Variants in PIGW observed in about 807,000 individuals in gnomAD.
PIGW encodes the protein phosphatidylinositol glycan anchor biosynthesis class W.
In PIGW, 23 loss-of-function variants were observed where a neutral mutation model predicts 34.0. That is an observed-to-expected ratio of 0.68 (90% CI 0.49 to 0.96). PIGW has a LOEUF of 0.96. Ranked by LOEUF, PIGW falls within the 40% of genes least tolerant of loss-of-function variation. The pLI is 0.00. For missense variants in PIGW, 574 were observed against 586.3 expected (o/e 0.98, Z 0.22); for synonymous variants, 225 against 225.2 (o/e 1.00, Z 0.01).
In PIGW at chr17:36,537,976, G is replaced by T; in HGVS notation, c.875G>T (p.Ser292Ile). ...KRLILYGTDG[S>I]GTRVGLLNAN... is the part of the protein sequence containing the mutation. ...TTAATATTATATGGCACTGATGGTA[G>T]TGGCACACGGGTTGGTCTATTAAAT... Residue 292 changes from serine (S) to isoleucine (I), a missense_variant, in exon 2 of 2, where the codon AGT becomes ATT. By Grantham distance (142) the Ser-to-Ile change is moderately radical. Transcript: ENST00000614443. The T allele has an allele frequency of 6.2e-7, 1 of 1,614,030 alleles. No homozygotes were observed. Among genetic ancestry groups the T allele is most frequent in the South Asian group, 1.1e-5 (1 of 91,080 alleles).
chr17:36,537,893 TG>T lies in PIGW; in HGVS notation c.793del (p.Ala265ProfsTer10), dbSNP rs1294451965. 1.9e-6 allele frequency: 3 copies of T among 1,614,032 alleles called. No individual in the cohort carries two copies. The South Asian group carries it at 3.3e-5, about 18-fold the overall frequency. ...IFPLNKSWII[A>X]LGITVLYQLA... ...TTCCCCTAAATAAGTCCTGGATTAT[TG>T]CCCTCGGCATTACTGTATTATACCA... On this transcript the variant is annotated frameshift_variant, in exon 2 of 2. Transcript: ENST00000614443. LOFTEE classifies it high-confidence loss of function.
In PIGW at chr17:36,538,469, T is replaced by C; in HGVS notation, c.1368T>C (p.Asn456=). The C allele has an allele frequency of 6.2e-7, 1 of 1,614,116 alleles. No individual in the cohort carries two copies. The highest frequency in any genetic ancestry group is 8.5e-7 in the Non-Finnish European group (1 of 1,179,996). ...RKQLIFFLLS[N]ITTGLINLMV... ...AGTTAATATTTTTCTTGCTGTCAAA[T>C]ATAACAACTGGCCTGATCAACCTGA... The change falls in exon 2 of 2, where the codon AAT becomes AAC. Residue 456 remains asparagine, a synonymous_variant. Transcript: ENST00000614443.
At position 36,537,533 on chromosome 17, in the gene PIGW, T is replaced by A; in HGVS notation, c.432T>A (p.Ile144=). 1 of 1,614,184 alleles carries A rather than the reference T, an allele frequency of 6.2e-7. No homozygotes were observed. Among genetic ancestry groups the A allele is most frequent in the Admixed American group, 1.7e-5 (1 of 60,014 alleles). ...VITSAFTAIA[I]LAVDFPLFPR... ...CCAGTGCGTTTACTGCTATTGCTAT[T>A]TTGGCTGTGGACTTCCCACTTTTTC... The change falls in exon 2 of 2, where the codon ATT becomes ATA. Residue 144 remains isoleucine (I), a synonymous_variant. Transcript: ENST00000614443.
chr17:36,536,005 CA>C (rs1425739239), intron 1 of PIGW, among the ~76,000 whole-genome samples: 1 of 152,178 alleles, frequency 6.6e-6, no homozygotes, highest in Admixed American at 6.5e-5. Flanking sequence ...CGCATGCATT[CA>C]CTTACTTATT....
rs749502055 is a variant in PIGW at position 36,537,873 on chromosome 17, C to T, written c.772C>T (p.Leu258=). Residue 258 remains leucine, a synonymous_variant, in exon 2 of 2, where the codon CTA becomes TTA. Transcript: ENST00000614443. Reference sequence around the variant, plus strand: ...ACCACTGCTGTTGATTATTTTTCCCCTAAATAAGTCCTGGATTATTGCCCT... The same window carrying T: ...ACCACTGCTGTTGATTATTTTTCCCTTAAATAAGTCCTGGATTATTGCCCT... ...ITPLLLIIFP[L]NKSWIIALGI... The T allele has an allele frequency of 1.9e-6, 3 of 1,613,932 alleles. No homozygotes were observed. The highest frequency in any genetic ancestry group is 2.7e-5 in the African/African-American group (2 of 74,900).
rs2074171977 is a variant in PIGW at position 36,538,347 on chromosome 17, T to G, written c.1246T>G (p.Ser416Ala). The change falls in exon 2 of 2, where the codon TCA becomes GCA. Residue 416 changes from serine (S) to alanine (A), a missense_variant. Physicochemically the swap from Ser to Ala is moderately conservative, Grantham distance 99. Transcript: ENST00000614443. ...ACCATGTTCTTGGAAACTTATCCAG[T>G]CACCTGTTACAAATAAAAAGCATTC... ...LVPCSWKLIQSPVTNKKHSES... is the reference protein window; with the variant it reads ...LVPCSWKLIQAPVTNKKHSES... 3.7e-6 allele frequency: 6 copies of G among 1,614,058 alleles called. No homozygotes were observed. Among genetic ancestry groups the G allele is most frequent in the Non-Finnish European group, 5.1e-6 (6 of 1,180,030 alleles).
At position 36,538,757 on chromosome 17, in the gene PIGW, A is replaced by ATT; in HGVS notation, c.*142_*143dup. On this transcript the variant is annotated 3_prime_UTR_variant, in exon 2 of 2. Transcript: ENST00000614443. ...GTCATCTAAACAGCAGTGATGCTTA[A>ATT]TTATTTTTTTTTTTGAGACAGAGTC... 3.9e-6 allele frequency: 3 copies of ATT among 761,484 alleles called. No individual in the cohort carries two copies. Among genetic ancestry groups the ATT allele is most frequent in the Non-Finnish European group, 6.2e-6 (3 of 486,422 alleles). The allele number at this position is 761,484 out of a possible 1,614,324, so 47.2% of individuals were successfully genotyped here. A position where few individuals can be genotyped will look rare whatever the true frequency, so the allele number is the denominator to read the frequency against.
At chr17:36,536,845 G>A (rs1401280730) in intron 1 of PIGW, among the ~76,000 whole-genome samples, 2 of 152,124 alleles carry the variant, frequency 1.3e-5, no homozygotes, top group African/African-American at 4.8e-5. Context: ...AGTCTGTCTT[G>A]TACAGGGAAT....
rs1433821334 is a variant in PIGW, at chr17:36,537,460, G to A, written c.359G>A (p.Ser120Asn). Residue 120 changes from serine to asparagine, a missense_variant, in exon 2 of 2, where the codon AGT becomes AAT. Transcript: ENST00000614443. ...ATCCTTGAAAAATTCTTGAACATCA[G>A]TCTAGAATCAGAATACAATCCAGCC... ...LKILEKFLNI[S>N]LESEYNPAIS... The A allele has an allele frequency of 6.2e-7, 1 of 1,614,074 alleles. No individual in the cohort carries two copies. Among genetic ancestry groups the A allele is most frequent in the Admixed American group, 1.7e-5 (1 of 60,018 alleles).
rs753061168 is a variant in PIGW, at chr17:36,537,084, G to T, written c.-8-10G>T. On this transcript the variant is annotated splice_polypyrimidine_tract_variant and intron_variant, in intron 1 of 1. Transcript: ENST00000614443. ...TTCACAAATCCATTCCTTTGCTCTTGTTTTCACAGGAAGAAAAATGTCTGA... is the reference window on the plus strand; with the variant it reads ...TTCACAAATCCATTCCTTTGCTCTTTTTTTCACAGGAAGAAAAATGTCTGA... 2 of 1,567,304 alleles carry T rather than the reference G, an allele frequency of 1.3e-6. No individual in the cohort carries two copies. Among genetic ancestry groups the T allele is most frequent in the Admixed American group, 1.9e-5 (1 of 51,408 alleles).
In PIGW at chr17:36,539,243, C is replaced by A. The variant is rs2074182518; in HGVS notation, c.*627C>A. ...AACCTTATGCTATTCTGTATTTTTA[C>A]TGTATATTGCTTTTACAATAAATAT... On this transcript the variant is annotated 3_prime_UTR_variant, in exon 2 of 2. Coordinates refer to ENST00000614443, the MANE Select transcript of PIGW (RefSeq NM_001346754.2). 6.0e-6 allele frequency: 1 copy of A among 166,956 alleles called. No homozygotes were observed. Among genetic ancestry groups the A allele is most frequent in the Non-Finnish European group, 1.5e-5 (1 of 68,102 alleles). 10.3% of individuals were successfully genotyped at this position (166,956 alleles called of 1,614,324 possible). A position where few individuals can be genotyped will look rare whatever the true frequency, so the allele number is the denominator to read the frequency against.
intron 1 of PIGW, among the ~76,000 whole-genome samples, chr17:36,536,852 G>A (rs2074144997): frequency 6.6e-6 from 1 of 152,154 alleles, no homozygotes; most frequent in African/African-American, 2.4e-5. Context: ...CTTGTACAGG[G>A]AATAGCTGAA....
In PIGW at chr17:36,534,997, C is replaced by G. The variant is rs12452785; in HGVS notation, c.-604C>G. ...AGGGGCGGGGCGAGCACTCGCGGCG[C>G]GGGGCGCGCACGTGGCTTGGCCGGG... On this transcript the variant is annotated 5_prime_UTR_variant, in exon 1 of 2. Transcript: ENST00000614443. 2 of 152,358 alleles carry G rather than the reference C, an allele frequency of 1.3e-5. No homozygotes were observed. The highest frequency in any genetic ancestry group is 4.8e-5 in the African/African-American group (2 of 41,466). 9.4% of individuals were successfully genotyped at this position (152,358 alleles called of 1,614,324 possible).
chr17:36,537,028 C>A, intron 1 of PIGW, 66 bp from the exon 2 acceptor site: 1 of 1,368,322 alleles, frequency 7.3e-7, no homozygotes, highest in Non-Finnish European at 1.0e-6. Flanking sequence ...AAAATTAAGC[C>A]AGGTATGCTA....
rs754061279 is a variant in PIGW, at chr17:36,537,532, T to G, written c.431T>G (p.Ile144Ser). ...VITSAFTAIA[I>S]LAVDFPLFPR... Reference sequence around the variant, plus strand: ...ACCAGTGCGTTTACTGCTATTGCTATTTTGGCTGTGGACTTCCCACTTTTT... The same window carrying G: ...ACCAGTGCGTTTACTGCTATTGCTAGTTTGGCTGTGGACTTCCCACTTTTT... The change falls in exon 2 of 2, where the codon ATT becomes AGT. Residue 144 changes from isoleucine (I) to serine (S), a missense_variant. Transcript: ENST00000614443. The G allele has an allele frequency of 5.6e-6, 9 of 1,614,086 alleles. No homozygotes were observed. Among genetic ancestry groups the G allele is most frequent in the Non-Finnish European group, 7.6e-6 (9 of 1,180,038 alleles).
At position 36,536,478 on chromosome 17, in the gene PIGW, A is replaced by C. The variant is rs2074126428; in HGVS notation, c.-8-616A>C. ...CATCTGCCTATGATGCCATTCTCAG[A>C]GTTTATATCCCAAATTCGCTCTCTT... is the stretch of plus-strand genomic sequence containing the variant. On this transcript the variant is annotated intron_variant, in intron 1 of 1. Transcript: ENST00000614443. 2.0e-5 allele frequency among the ~76,000 whole-genome samples: 3 copies of C among 150,054 alleles called. No individual in the cohort carries two copies. The South Asian group carries it at 6.3e-4, about 31-fold the overall frequency.
rs758046965 is a variant in PIGW, at chr17:36,537,835, T to C, written c.734T>C (p.Val245Ala). 2 of 1,614,056 alleles carry C rather than the reference T, an allele frequency of 1.2e-6. No homozygotes were observed. Among genetic ancestry groups the C allele is most frequent in the Non-Finnish European group, 1.7e-6 (2 of 1,180,044 alleles). Reference sequence around the variant, plus strand: ...AACTTTTTCTTTACCATAATAGTTGTGAAATTGATAACACCACTGCTGTTG... The same window carrying C: ...AACTTTTTCTTTACCATAATAGTTGCGAAATTGATAACACCACTGCTGTTG... ...HWNFFFTIIV[V>A]KLITPLLLII... Residue 245 changes from valine (V) to alanine (A), a missense_variant, in exon 2 of 2, where the codon GTG becomes GCG. Physicochemically the swap from Val to Ala is moderately conservative, Grantham distance 64. Coordinates refer to ENST00000614443, the MANE Select transcript of PIGW (RefSeq NM_001346754.2).
intron 1 of PIGW, among the ~76,000 whole-genome samples, chr17:36,536,558 C>T (rs1392786822): frequency 7.2e-6 from 1 of 138,666 alleles, no homozygotes; most frequent in East Asian, 2.2e-4. Context: ...TGGAGTCTCA[C>T]TCTGTGGCCC....
chr17:36,538,210 A>AT lies in PIGW; in HGVS notation c.1112dup (p.Leu371PhefsTer11). ...GAAGCAGTATCTCGAAGAATGGCAA[A>AT]TTTAGCCTTTTGTATTTGGATAGTT... On this transcript the variant is annotated frameshift_variant, in exon 2 of 2. Transcript: ENST00000614443. LOFTEE classifies it high-confidence loss of function. The AT allele has an allele frequency of 6.2e-7, 1 of 1,613,268 alleles. No homozygotes were observed. Among genetic ancestry groups the AT allele is most frequent in the Non-Finnish European group, 8.5e-7 (1 of 1,180,014 alleles).
Sources: allele counts gnomAD v4.1 joint callset (sites outside exome capture counted in the v4.1 genomes callset), GRCh38; gene constraint gnomAD v4.1.1; transcripts MANE v1.5; gene names NCBI Gene and HGNC (gene_info 2026-07-23, HGNC 2026-07-21).